Variants in KHDRBS2 observed in about 807,000 individuals in gnomAD.
The protein encoded by KHDRBS2 is KH domain-containing, RNA-binding, signal transduction-associated protein 2.
A neutral mutation model predicts 44.3 loss-of-function variants in KHDRBS2; 26 were observed. That is an observed-to-expected ratio of 0.59 (90% CI 0.43 to 0.81). The LOEUF is 0.81. Ranked by LOEUF, KHDRBS2 falls within the 40% of genes least tolerant of loss-of-function variation. The pLI is 0.00. For synonymous variants in KHDRBS2, 194 were observed against 151.1 expected (o/e 1.28, Z -2.08); for missense variants, 476 against 433.1 (o/e 1.10, Z -0.88).
the KHDRBS2 span, among the ~76,000 whole-genome samples, chr6:61,641,058 G>A: frequency 3.4e-3 from 513 of 152,100 alleles, 4 homozygotes; most frequent in Non-Finnish European, 5.6e-3. Context: ...GTATGCTATG[G>A]GAACACAACC....
chr6:62,139,470 G>A (rs192543356), intron 2 of KHDRBS2, among the ~76,000 whole-genome samples: 6 of 151,616 alleles, frequency 4.0e-5, no homozygotes, highest in Admixed American at 6.6e-5. Flanking sequence ...GGAGAATGGC[G>A]TGAACCCGGG....
chr6:61,678,569 C>T (rs754907858), downstream of KHDRBS2, among the ~76,000 whole-genome samples: 9 of 151,852 alleles, frequency 5.9e-5, no homozygotes, highest in Non-Finnish European at 1.0e-4. Context: ...TTTTATTGCG[C>T]TTTCTTTGTA....
At chr6:61,900,940 A>C (rs113375775) in intron 5 of KHDRBS2, among the ~76,000 whole-genome samples, 1 of 152,204 alleles carries the variant, frequency 6.6e-6, no homozygotes, top group South Asian at 2.1e-4. Context: ...GGTAGTTGTT[A>C]AAAGTATAAA....
At chr6:61,865,804 T>C (rs1797697440) in intron 6 of KHDRBS2, among the ~76,000 whole-genome samples, 1 of 152,218 alleles carries the variant, frequency 6.6e-6, no homozygotes, top group Non-Finnish European at 1.5e-5. Flanking sequence ...ACAAAGGGGC[T>C]ACAGGCCCCA....
chr6:62,083,915 G>C (rs1797907870), intron 2 of KHDRBS2, among the ~76,000 whole-genome samples: 1 of 152,186 alleles, frequency 6.6e-6, no homozygotes, highest in African/African-American at 2.4e-5. Context: ...GAAACAATTA[G>C]GTAGATCATA....
chr6:61,773,710 T>C (rs919749360), intron 6 of KHDRBS2, among the ~76,000 whole-genome samples: 66 of 151,954 alleles, frequency 4.3e-4, no homozygotes, highest in Middle Eastern at 3.4e-3. Context: ...AGACATGAAG[T>C]CCTTGCCCAT....
chr6:61,551,004 C>A, the KHDRBS2 span, among the ~76,000 whole-genome samples: 1 of 152,006 alleles, frequency 6.6e-6, no homozygotes, highest in South Asian at 2.1e-4. Flanking sequence ...GAACTTCTGG[C>A]CTCGAGTGAT....
At chr6:61,622,536 G>A in the KHDRBS2 span, among the ~76,000 whole-genome samples, 3 of 152,194 alleles carry the variant, frequency 2.0e-5, no homozygotes, top group African/African-American at 7.2e-5. Context: ...ATGCAAAGAT[G>A]TCTTCATTGA....
chr6:61,924,604 T>C (rs1808630500), intron 4 of KHDRBS2, among the ~76,000 whole-genome samples: 1 of 151,964 alleles, frequency 6.6e-6, no homozygotes, highest in Non-Finnish European at 1.5e-5. Context: ...TGTTTATTTT[T>C]ATCATTGTAT....
chr6:62,110,149 T>C (rs1196610053), intron 2 of KHDRBS2, among the ~76,000 whole-genome samples: 3 of 152,052 alleles, frequency 2.0e-5, no homozygotes, highest in Non-Finnish European at 2.9e-5. Flanking sequence ...ACCTACCTAA[T>C]AGAATTGTTT....
intron 2 of KHDRBS2, among the ~76,000 whole-genome samples, chr6:62,071,644 T>C (rs1487419999): frequency 4.6e-5 from 7 of 152,326 alleles, no homozygotes; most frequent in Middle Eastern, 3.4e-3. Context: ...AAAGATCAGA[T>C]AGCTGTAGAT....
At chr6:61,599,429 G>T in the KHDRBS2 span, among the ~76,000 whole-genome samples, 1 of 151,838 alleles carries the variant, frequency 6.6e-6, no homozygotes, top group Non-Finnish European at 1.5e-5. Flanking sequence ...ATGGACATGA[G>T]TGGATTTTTA....
chr6:61,864,318 T>A (rs904634214), intron 6 of KHDRBS2, among the ~76,000 whole-genome samples: 1 of 152,180 alleles, frequency 6.6e-6, no homozygotes, highest in African/African-American at 2.4e-5. Flanking sequence ...CCTGTCAACA[T>A]GATGCAAGGT....
At chr6:61,754,296 A>T (rs1444851972) in intron 6 of KHDRBS2, among the ~76,000 whole-genome samples, 2 of 152,114 alleles carry the variant, frequency 1.3e-5, no homozygotes, top group African/African-American at 2.4e-5. Flanking sequence ...TGGAGCAATG[A>T]CCTGACCCAT....
chr6:62,052,552 C>A (rs573256620), intron 2 of KHDRBS2, among the ~76,000 whole-genome samples: 2 of 136,770 alleles, frequency 1.5e-5, no homozygotes, highest in Non-Finnish European at 3.1e-5. Context: ...CAATCCTCAA[C>A]CTTTTTGGCA....
At chr6:62,045,034 G>A (rs1028969812) in intron 3 of KHDRBS2, among the ~76,000 whole-genome samples, 1 of 151,912 alleles carries the variant, frequency 6.6e-6, no homozygotes, top group African/African-American at 2.4e-5. Context: ...CTGGAAGCTG[G>A]ACATAAATTT....
At chr6:62,037,114 A>G (rs1159606538) in intron 3 of KHDRBS2, among the ~76,000 whole-genome samples, 1 of 151,996 alleles carries the variant, frequency 6.6e-6, no homozygotes, top group East Asian at 1.9e-4. Context: ...AATAATCATC[A>G]TAATACAAGT....
the KHDRBS2 span, among the ~76,000 whole-genome samples, chr6:61,580,656 C>G: frequency 3.3e-5 from 5 of 151,912 alleles, no homozygotes; most frequent in Non-Finnish European, 5.9e-5. Flanking sequence ...ACTCCAGACA[C>G]CAGACCATGA....
At chr6:62,052,544 A>G (rs1249826377) in intron 2 of KHDRBS2, among the ~76,000 whole-genome samples, 1 of 144,894 alleles carries the variant, frequency 6.9e-6, no homozygotes, top group African/African-American at 2.5e-5. Context: ...TACACTGGCA[A>G]TCCTCAACCT....
Sources: allele counts gnomAD v4.1 joint callset (sites outside exome capture counted in the v4.1 genomes callset), GRCh38; gene constraint gnomAD v4.1.1; transcripts MANE v1.5; gene names NCBI Gene and HGNC (gene_info 2026-07-23, HGNC 2026-07-21).